MASTL: variants seen among roughly 807,000 people sequenced by gnomAD.
The protein encoded by MASTL is serine/threonine-protein kinase greatwall.
MASTL carries 54 observed loss-of-function variants against 82.5 expected under a neutral mutation model. The ratio of observed to expected loss-of-function variants is 0.65; its 90% confidence interval spans 0.53 to 0.82. The LOEUF is 0.82. Among genes scored for constraint, MASTL ranks in the 40% least tolerant of loss-of-function variants. The pLI, the probability that MASTL is intolerant of heterozygous loss-of-function variation, is 0.00. For missense variants in MASTL, 950 were observed against 1,047.8 expected, an observed-to-expected ratio of 0.91 and a Z score of 1.29; for synonymous variants, 323 against 368.9, an observed-to-expected ratio of 0.88 and a Z score of 1.43.
At chr10:27,185,309 T>A (rs141646794) in intron 11 of MASTL, among the ~76,000 whole-genome samples, 1 of 152,032 alleles carries the variant, frequency 6.6e-6, no homozygotes, top group East Asian at 1.9e-4. Context: ...TAGGCCACAC[T>A]CTCTTCCCCT....
chr10:27,170,321 T>G lies in MASTL; in HGVS notation c.1362T>G (p.Pro454=). 1 of 1,613,752 alleles carries G rather than the reference T, an allele frequency of 6.2e-7. No homozygotes were observed. Among genetic ancestry groups the G allele is most frequent in the Non-Finnish European group, 8.5e-7 (1 of 1,179,762 alleles). The change falls in exon 8 of 12, where the codon CCT becomes CCG. Residue 454 remains proline (P), a synonymous_variant. Transcript: ENST00000375940. The part of the protein sequence containing the change: ...KRNFELVDSS[P]CKKIIQNKKT... ...ATTTTGAGTTGGTTGACTCCAGTCC[T>G]TGTAAAAAAATTATACAGAATAAAA... is the stretch of plus-strand genomic sequence containing the variant.
At chr10:27,163,649 G>A (rs1326192023) in intron 4 of MASTL, among the ~76,000 whole-genome samples, 1 of 149,362 alleles carries the variant, frequency 6.7e-6, no homozygotes, top group African/African-American at 2.5e-5. Context: ...TTGAGACAGA[G>A]TCTCGCTTTG....
chr10:27,156,133 G>C (rs1045540088), intron 1 of MASTL, among the ~76,000 whole-genome samples: 15 of 151,998 alleles, frequency 9.9e-5, no homozygotes. Flanking sequence ...GCCTCCCGAC[G>C]AGCTGGGACT....
In MASTL at chr10:27,159,849, C is replaced by T. The variant is rs917770210; in HGVS notation, c.464+91C>T. ...CAGATATTCACAGTAACCACTTGCACTTATTTCCAGGTTATCTAAAGTTTA... is the reference window on the plus strand; with the variant it reads ...CAGATATTCACAGTAACCACTTGCATTTATTTCCAGGTTATCTAAAGTTTA... On this transcript the variant is annotated intron_variant, in intron 3 of 11. Coordinates refer to ENST00000375940, the MANE Select transcript of MASTL (RefSeq NM_001172303.3). This position sits in a 1 kb window ranked among gnomAD's most constrained non-coding sequence, Gnocchi z 4.0. The T allele has an allele frequency of 1.4e-5, 16 of 1,114,136 alleles. No individual in the cohort carries two copies. In the South Asian group the frequency reaches 2.0e-4, roughly 14 times the overall value. 69.0% of individuals were successfully genotyped at this position (1,114,136 alleles called of 1,614,324 possible). A position where few individuals can be genotyped will look rare whatever the true frequency, so the allele number is the denominator to read the frequency against.
chr10:27,168,403 A>G (rs1027911514), intron 7 of MASTL, among the ~76,000 whole-genome samples: 1 of 152,194 alleles, frequency 6.6e-6, no homozygotes, highest in Non-Finnish European at 1.5e-5. Context: ...CGATGGGATT[A>G]TAGTGGTGCT....
intron 2 of MASTL, 120 bp downstream of exon 2, chr10:27,158,806 C>G (rs2057476775): frequency 9.2e-7 from 1 of 1,084,898 alleles, no homozygotes; most frequent in African/African-American, 1.5e-5. Flanking sequence ...GCACTCACTG[C>G]CTTGGCAAAT....
At chr10:27,155,690 CG>C (rs2057339984) in intron 1 of MASTL, 78 bp downstream of exon 1, 4 of 1,541,570 alleles carry the variant, frequency 2.6e-6, no homozygotes, top group Non-Finnish European at 3.6e-6. Flanking sequence ...GGGCAGGCCC[CG>C]GGGTTGCTGG....
At chr10:27,169,799 C>T in intron 7 of MASTL, 145 bp from the exon 8 acceptor site, 1 of 708,960 alleles carries the variant, frequency 1.4e-6, no homozygotes. Context: ...TTTTAATTCT[C>T]TGTTGTTTAT....
At chr10:27,156,991 C>T (rs1370873873) in intron 1 of MASTL, among the ~76,000 whole-genome samples, 9 of 151,052 alleles carry the variant, frequency 6.0e-5, no homozygotes, top group Non-Finnish European at 1.3e-4. Flanking sequence ...TTAGTAGAGA[C>T]GGGGTTTCAC....
Position 27,173,259 on chromosome 10 carries a change from G to A in MASTL, c.2266G>A (p.Gly756Ser). 1.2e-6 allele frequency: 2 copies of A among 1,614,010 alleles called. No individual in the cohort carries two copies. The highest frequency in any genetic ancestry group is 1.7e-6 in the Non-Finnish European group (2 of 1,179,996). The change falls in exon 9 of 12, where the codon GGT (glycine) becomes AGT (serine). Residue 756 changes from glycine (G) to serine (S), a missense_variant and splice_region_variant. Gly to Ser is a moderately conservative substitution (Grantham distance 56). Coordinates refer to ENST00000375940, the MANE Select transcript of MASTL (RefSeq NM_001172303.3). The stretch of plus-strand genomic sequence containing the variant: ...TGAGCTGTTACTAGGCAGGGCCCAT[G>A]GTAAGGCATGCATGTCTTGAGTTTT... ...APELLLGRAH[G>S]PAVDWWALGV...
chr10:27,158,698 A>C lies in MASTL; in HGVS notation c.324+12A>C, dbSNP rs755533181. On this transcript the variant is annotated intron_variant, in intron 2 of 11. Coordinates refer to ENST00000375940, the MANE Select transcript of MASTL (RefSeq NM_001172303.3). ...ACAATGTCTACTTGGTGAGTAAATA[A>C]TTTTTATGTTGTTTCTTTATCCATT... is the stretch of plus-strand genomic sequence containing the variant. 5.6e-6 allele frequency: 9 copies of C among 1,612,818 alleles called. No individual in the cohort carries two copies. Among genetic ancestry groups the C allele is most frequent in the Non-Finnish European group, 7.6e-6 (9 of 1,178,962 alleles).
intron 6 of MASTL, 22 bp downstream of exon 6, chr10:27,165,561 G>C: frequency 6.2e-7 from 1 of 1,612,942 alleles, no homozygotes; most frequent in Non-Finnish European, 8.5e-7. Flanking sequence ...AGAAAAGGTA[G>C]GCCAGGCGCA....
rs757481614 is a variant in MASTL, at chr10:27,158,548, G to T, written c.187-1G>T. On this transcript the variant is annotated splice_acceptor_variant, in intron 1 of 11. Transcript: ENST00000375940. LOFTEE classifies it high-confidence loss of function. ...TATCACTTTTATTTTATCTATTACA[G>T]GTTGTTAAAAAAGCAGACATGATCA... The T allele has an allele frequency of 3.2e-5, 51 of 1,588,990 alleles. No homozygotes were observed. Among genetic ancestry groups the T allele is most frequent in the Non-Finnish European group, 4.3e-5 (50 of 1,157,436 alleles).
chr10:27,186,477 TC>T lies in MASTL; in HGVS notation c.2583del (p.Tyr862IlefsTer11). On this transcript the variant is annotated frameshift_variant, in exon 12 of 12. Transcript: ENST00000375940. LOFTEE classifies it high-confidence loss of function. ...IPQPDDETDTSYFEARNTAQH... is the reference protein window; with the variant it reads ...IPQPDDETDTXYFEARNTAQH... The stretch of plus-strand genomic sequence containing the variant: ...CCAGCCAGATGATGAAACAGATACC[TC>T]CTATTTTGAAGCCAGGAATACTGCT... The T allele has an allele frequency of 6.2e-7, 1 of 1,614,072 alleles. No homozygotes were observed. The highest frequency in any genetic ancestry group is 8.5e-7 in the Non-Finnish European group (1 of 1,179,976).
At position 27,184,592 on chromosome 10, in the gene MASTL, G is replaced by A. The variant is rs1358401780; in HGVS notation, c.2483-1787G>A. Among the ~76,000 whole-genome samples the A allele has an allele frequency of 7.0e-5, 7 of 100,612 alleles. No individual in the cohort carries two copies. In the East Asian group the frequency reaches 1.3e-3, roughly 19 times the overall value. The allele number at this position is 100,612 out of a possible 152,430, so 66.0% of individuals were successfully genotyped here. ...TTTTTTTTTTTTGAGACGGAATCTC[G>A]TTCTGTTGCCCAGGCTGGAGTGCAG... On this transcript the variant is annotated intron_variant, in intron 11 of 11. Transcript: ENST00000375940.
At chr10:27,163,422 C>G (rs997443260) in intron 4 of MASTL, among the ~76,000 whole-genome samples, 3 of 151,950 alleles carry the variant, frequency 2.0e-5, no homozygotes, top group African/African-American at 7.3e-5. Context: ...TGGAAAATAT[C>G]ACAAATGACA....
In MASTL at chr10:27,166,645, C is replaced by T. The variant is rs1588675665; in HGVS notation, c.812-457C>T. On this transcript the variant is annotated intron_variant, in intron 6 of 11. Transcript: ENST00000375940. ...AAAGCATTAGCCAGATTTGGTGGTC[C>T]TCACGACTCAGGAGGCTGAGATGAG... is the stretch of plus-strand genomic sequence containing the variant. Among the ~76,000 whole-genome samples the T allele has an allele frequency of 2.0e-5, 3 of 152,202 alleles. No homozygotes were observed. The East Asian group carries it at 5.8e-4, about 29-fold the overall frequency.
intron 3 of MASTL, among the ~76,000 whole-genome samples, chr10:27,160,473 A>C (rs2057532682): frequency 6.6e-6 from 1 of 152,074 alleles, no homozygotes; most frequent in Non-Finnish European, 1.5e-5. Flanking sequence ...AATGTAGGCC[A>C]GGTGTGGTGG....
Position 27,170,709 on chromosome 10 carries a change from G to C in MASTL, c.1750G>C (p.Glu584Gln), listed in dbSNP as rs771429114. Residue 584 changes from glutamate (E) to glutamine (Q), a missense_variant, in exon 8 of 12, where the codon GAA (glutamate) becomes CAA (glutamine). Transcript: ENST00000375940. ...AATTTCTATAATGGAAAGTCCATTAGAAAGTCAGCCCTTAGATTCAGATAG... is the reference window on the plus strand; with the variant it reads ...AATTTCTATAATGGAAAGTCCATTACAAAGTCAGCCCTTAGATTCAGATAG... ...PGISIMESPL[E>Q]SQPLDSDRSI... 1.2e-6 allele frequency: 2 copies of C among 1,613,318 alleles called. No homozygotes were observed. Among genetic ancestry groups the C allele is most frequent in the South Asian group, 2.2e-5 (2 of 90,876 alleles).
Sources: gnomAD v4.1 joint callset for allele counts (sites outside exome capture counted in the v4.1 genomes callset) on GRCh38, gnomAD v4.1.1 for gene constraint, Gnocchi (gnomAD v3.1) non-coding constraint, MANE v1.5 for transcripts, NCBI Gene and HGNC (gene_info 2026-07-23, HGNC 2026-07-21) for gene names.